The following CCDC3 variants were observed in gnomAD, a reference collection of about 807,000 sequenced individuals.
The protein encoded by CCDC3 is coiled-coil domain containing 3, also known as coiled-coil domain-containing protein 3.
In CCDC3, 24 loss-of-function variants were observed where a neutral mutation model predicts 21.4. That is an observed-to-expected ratio of 1.12 (90% CI 0.81 to 1.58). CCDC3 has a LOEUF of 1.58. Ranked by LOEUF, CCDC3 falls within the 40% of genes most tolerant of loss-of-function variation. The probability of loss-of-function intolerance (pLI) is 0.00; values close to 1 mark genes in which losing one functional copy is unlikely to be tolerated. For missense variants in CCDC3, 425 were observed against 360.9 expected, an observed-to-expected ratio of 1.18 and a Z score of -1.44; for synonymous variants, 186 against 166.0, an observed-to-expected ratio of 1.12 and a Z score of -0.93.
chr10:13,044,078 T>C (rs559232438), intron 5 of CCDC3, among the ~76,000 whole-genome samples: 1 of 152,338 alleles, frequency 6.6e-6, no homozygotes, highest in East Asian at 1.9e-4. Context: ...TATCTCATTG[T>C]AGTTTTGATT....
intron 2 of CCDC3, among the ~76,000 whole-genome samples, chr10:12,975,057 C>A: frequency 6.6e-6 from 1 of 152,180 alleles, no homozygotes; most frequent in Non-Finnish European, 1.5e-5. Context: ...AAACAGCTGG[C>A]AAAGCCAGGA....
chr10:12,925,615 C>T (rs1834524624), intron 2 of CCDC3, among the ~76,000 whole-genome samples: 1 of 152,232 alleles, frequency 6.6e-6, no homozygotes, highest in Non-Finnish European at 1.5e-5. Flanking sequence ...TAAAATATAA[C>T]ATACATGGTC....
chr10:12,988,220 G>A (rs1190436619), intron 2 of CCDC3, among the ~76,000 whole-genome samples: 1 of 151,974 alleles, frequency 6.6e-6, no homozygotes, highest in East Asian at 1.9e-4. Flanking sequence ...TTCACCTTGG[G>A]GCCAATTGCA....
chr10:12,909,455 G>T (rs1375982081), intron 2 of CCDC3, among the ~76,000 whole-genome samples: 1 of 152,224 alleles, frequency 6.6e-6, no homozygotes, highest in East Asian at 1.9e-4. Context: ...CCCATGGAGT[G>T]TGGGTGTGCC....
chr10:12,944,641 A>G (rs1015158314), intron 2 of CCDC3, among the ~76,000 whole-genome samples: 2 of 152,222 alleles, frequency 1.3e-5, no homozygotes, highest in African/African-American at 4.8e-5. Flanking sequence ...TTCTTAACTT[A>G]GGCAAAATAA....
Position 13,034,499 on chromosome 10 carries a change from A to C in CCDC3, c.-2+15175T>G, listed in dbSNP as rs368005065. Among the ~76,000 whole-genome samples, 59 of 150,600 alleles carry C rather than the reference A, an allele frequency of 3.9e-4. 2 individuals are homozygous for C. The East Asian group carries it at 6.9e-3, about 18-fold the overall frequency. On this transcript the variant is annotated intron_variant, in intron 5 of 6. Transcript: ENST00000378839. ...TAGAACTTAAAGTATAATTTTAAAAAAGAATTCCCCCAAAAGCCTAGATCT... is the reference window on the plus strand; with the variant it reads ...TAGAACTTAAAGTATAATTTTAAAACAGAATTCCCCCAAAAGCCTAGATCT...
intron 2 of CCDC3, among the ~76,000 whole-genome samples, chr10:12,919,803 G>A (rs150311487): frequency 2.6e-5 from 4 of 152,212 alleles, no homozygotes; most frequent in Non-Finnish European, 5.9e-5. Flanking sequence ...CCAGGGAGAT[G>A]TGCTATGATT....
rs550386770 is a variant in CCDC3 at position 13,033,100 on chromosome 10, G to A, written c.-2+16574C>T. The stretch of plus-strand genomic sequence containing the variant: ...ACCTGACTTCAAACTATACTACAAG[G>A]CTACAGTAACCAAAATAGCATGGTA... On this transcript the variant is annotated intron_variant, in intron 5 of 6. Transcript: ENST00000378839. Among the ~76,000 whole-genome samples, 11 of 152,254 alleles carry A rather than the reference G, an allele frequency of 7.2e-5. No individual in the cohort carries two copies. The South Asian group carries it at 2.1e-3, about 29-fold the overall frequency.
chr10:12,940,739 G>A (rs568044752), intron 2 of CCDC3, among the ~76,000 whole-genome samples: 2 of 152,302 alleles, frequency 1.3e-5, no homozygotes, highest in African/African-American at 2.4e-5. Flanking sequence ...AAATTTAAAT[G>A]AGGCAGAATT....
chr10:12,906,768 G>T (rs1479230894), intron 2 of CCDC3, among the ~76,000 whole-genome samples: 1 of 152,150 alleles, frequency 6.6e-6, no homozygotes, highest in African/African-American at 2.4e-5. Flanking sequence ...CAGATGATAA[G>T]GGTAAAGCAT....
At chr10:12,983,944 G>T (rs1362004084) in intron 2 of CCDC3, among the ~76,000 whole-genome samples, 4 of 152,178 alleles carry the variant, frequency 2.6e-5, no homozygotes, top group African/African-American at 9.7e-5. Context: ...GCTGGGCATG[G>T]TGGTGCATGC....
At chr10:13,025,221 C>T (rs954596504) in intron 5 of CCDC3, among the ~76,000 whole-genome samples, 1 of 152,164 alleles carries the variant, frequency 6.6e-6, no homozygotes, top group Admixed American at 6.5e-5. Flanking sequence ...GGAGGTTCAA[C>T]TGGAATTGGC....
At chr10:13,018,126 G>C (rs991870874) in intron 5 of CCDC3, among the ~76,000 whole-genome samples, 3 of 151,986 alleles carry the variant, frequency 2.0e-5, no homozygotes, top group Admixed American at 6.6e-5. Flanking sequence ...CAAAGCTCCA[G>C]AGGGCTGGGA....
intron 4 of CCDC3, among the ~76,000 whole-genome samples, chr10:13,051,111 G>A (rs553638): frequency 0.26 from 40,124 of 152,046 alleles, 5,522 homozygotes; most frequent in East Asian, 0.32. Flanking sequence ...ATTAGACAAA[G>A]CTCTAATCCT....
intron 5 of CCDC3, among the ~76,000 whole-genome samples, chr10:13,022,070 A>G (rs1324949459): frequency 6.6e-6 from 1 of 151,830 alleles, no homozygotes; most frequent in Non-Finnish European, 1.5e-5. Context: ...TTACTCCTCT[A>G]TTTTTCTAAC....
At chr10:12,922,737 G>A (rs564617278) in intron 2 of CCDC3, among the ~76,000 whole-genome samples, 6 of 152,208 alleles carry the variant, frequency 3.9e-5, no homozygotes, top group Non-Finnish European at 7.3e-5. Context: ...GAATCTGGCT[G>A]TTTTCTGAAC....
At chr10:12,948,117 C>T (rs546263577) in intron 2 of CCDC3, among the ~76,000 whole-genome samples, 160 of 152,172 alleles carry the variant, frequency 1.1e-3, no homozygotes, top group South Asian at 6.8e-3. Flanking sequence ...CAGGTTTTTT[C>T]CATGCTGTTC....
chr10:13,038,133 C>T (rs1836402071), intron 5 of CCDC3, among the ~76,000 whole-genome samples: 1 of 152,070 alleles, frequency 6.6e-6, no homozygotes, highest in Non-Finnish European at 1.5e-5. Context: ...CACATATTCT[C>T]ACTTATAAAT....
At chr10:13,072,969 C>T (rs1239762172) in intron 4 of CCDC3, among the ~76,000 whole-genome samples, 3 of 149,274 alleles carry the variant, frequency 2.0e-5, no homozygotes, top group Admixed American at 6.8e-5. Flanking sequence ...TGGGTTCAAG[C>T]GATTCTCCTG....
Sources: gnomAD v4.1 joint callset for allele counts (sites outside exome capture counted in the v4.1 genomes callset) on GRCh38, gnomAD v4.1.1 for gene constraint, MANE v1.5 for transcripts, NCBI Gene and HGNC (gene_info 2026-07-23, HGNC 2026-07-21) for gene names.